NTNG1: variants seen among roughly 807,000 people sequenced by gnomAD.
The protein encoded by NTNG1 is netrin-G1.
A neutral mutation model predicts 54.0 loss-of-function variants in NTNG1; 16 were observed. The observed-to-expected ratio is 0.30, with a 90% CI of 0.20 to 0.45. The LOEUF is 0.45. Ranked by LOEUF, NTNG1 falls within the 20% of genes least tolerant of loss-of-function variation. The probability of loss-of-function intolerance (pLI) is 1.00; values close to 1 mark genes in which losing one functional copy is unlikely to be tolerated. For missense variants in NTNG1, 530 were observed against 678.7 expected (o/e 0.78, Z 2.43); for synonymous variants, 255 against 263.1 (o/e 0.97, Z 0.30).
chr1:107,409,906 A>G (rs1465848510), intron 5 of NTNG1: 2 of 152,106 alleles, frequency 1.3e-5, no homozygotes, highest in Admixed American at 6.6e-5. Flanking sequence ...TTGTGGGCTT[A>G]TAAGTTGCTT....
rs1570688790 is a variant in NTNG1, at chr1:107,141,338, C to A, written c.-526+198C>A. On this transcript the variant is annotated intron_variant, in intron 1 of 7. Transcript: ENST00000370068. ...CGGGAGCTGCCGCCCTCCGCCCGTA[C>A]GCCGCCCGCGGGCTCCGCTGCTGCG... 5 of 150,156 alleles carry A rather than the reference C, an allele frequency of 3.3e-5. 1 individual carries two copies. The highest frequency in any genetic ancestry group is 1.5e-5 in the Non-Finnish European group (1 of 67,278). 9.3% of individuals were successfully genotyped at this position (150,156 alleles called of 1,614,324 possible).
intron 5 of NTNG1, among the ~76,000 whole-genome samples, chr1:107,415,919 A>G (rs942346776): frequency 2.0e-5 from 3 of 152,174 alleles, no homozygotes; most frequent in Admixed American, 1.3e-4. Flanking sequence ...TTTGTCGAGC[A>G]TTTACTACAT....
chr1:107,348,300 A>G (rs1320387941), intron 3 of NTNG1, among the ~76,000 whole-genome samples: 3 of 151,832 alleles, frequency 2.0e-5, no homozygotes, highest in Non-Finnish European at 2.9e-5. Context: ...TGATTTTTGT[A>G]TTTTTAGAAG....
intron 6 of NTNG1, among the ~76,000 whole-genome samples, chr1:107,433,772 C>G (rs909164230): frequency 2.0e-5 from 3 of 152,108 alleles, no homozygotes. Flanking sequence ...TTTCACTTAC[C>G]CTGCTTGAGG....
At chr1:107,153,869 G>A (rs1293291453) in intron 2 of NTNG1, among the ~76,000 whole-genome samples, 1 of 152,160 alleles carries the variant, frequency 6.6e-6, no homozygotes, top group African/African-American at 2.4e-5. Context: ...ATGGCTTGTT[G>A]GAGAGGTCTT....
chr1:107,299,540 G>C (rs1666196860), intron 2 of NTNG1, among the ~76,000 whole-genome samples: 1 of 152,114 alleles, frequency 6.6e-6, no homozygotes, highest in African/African-American at 2.4e-5. Context: ...TTCTTAAATG[G>C]ACCCTGTAGG....
intron 7 of NTNG1, among the ~76,000 whole-genome samples, chr1:107,464,471 G>A (rs1409727443): frequency 6.6e-6 from 1 of 151,894 alleles, no homozygotes; most frequent in Non-Finnish European, 1.5e-5. Flanking sequence ...TATATGAAGG[G>A]GCTAGCGCAG....
chr1:107,194,828 T>C (rs1328810197), intron 2 of NTNG1, among the ~76,000 whole-genome samples: 1 of 152,024 alleles, frequency 6.6e-6, no homozygotes, highest in African/African-American at 2.4e-5. Context: ...TACTATATTT[T>C]TAATTAAAAG....
chr1:107,329,997 G>T (rs567976706), intron 3 of NTNG1, among the ~76,000 whole-genome samples: 1 of 152,082 alleles, frequency 6.6e-6, no homozygotes, highest in Non-Finnish European at 1.5e-5. Context: ...ATGTAATCTG[G>T]AAAGATTAGT....
chr1:107,384,859 A>G (rs1671866620), intron 3 of NTNG1, among the ~76,000 whole-genome samples: 1 of 152,204 alleles, frequency 6.6e-6, no homozygotes, highest in Non-Finnish European at 1.5e-5. Context: ...TTATAAGAAG[A>G]TATCTATTTC....
intron 2 of NTNG1, among the ~76,000 whole-genome samples, chr1:107,301,304 AG>A (rs1666295865): frequency 6.6e-6 from 1 of 151,902 alleles, no homozygotes; most frequent in Non-Finnish European, 1.5e-5. Flanking sequence ...AGTGGCTAAG[AG>A]TGGTACTATA....
intron 3 of NTNG1, among the ~76,000 whole-genome samples, chr1:107,335,618 ATAG>A (rs1253684336): frequency 5.3e-5 from 8 of 152,074 alleles, no homozygotes; most frequent in South Asian, 2.1e-4. Context: ...TAGTTGGCTA[ATAG>A]TGGTGGAATT....
chr1:107,147,975 A>C (rs985205094), intron 1 of NTNG1, 94 bp from the exon 2 acceptor site: 1 of 152,472 alleles, frequency 6.6e-6, no homozygotes, highest in Non-Finnish European at 1.5e-5. Flanking sequence ...AATTTGCTTT[A>C]TATTGCATCA....
intron 2 of NTNG1, among the ~76,000 whole-genome samples, chr1:107,265,790 T>C (rs1290666114): frequency 6.6e-6 from 1 of 152,176 alleles, no homozygotes; most frequent in Non-Finnish European, 1.5e-5. Context: ...AAGAAATATA[T>C]AGGAAAATAA....
intron 7 of NTNG1, among the ~76,000 whole-genome samples, chr1:107,476,712 G>A (rs1037221858): frequency 2.0e-5 from 3 of 152,018 alleles, no homozygotes; most frequent in Non-Finnish European, 1.5e-5. Flanking sequence ...CCAGTCTGCC[G>A]TTTTTCTGGT....
Position 107,335,627 on chromosome 1 carries a change from G to A in NTNG1, c.887+10705G>A, listed in dbSNP as rs1481778684. Among the ~76,000 whole-genome samples the A allele has an allele frequency of 2.0e-5, 3 of 151,802 alleles. No individual in the cohort carries two copies. In the East Asian group the frequency reaches 5.8e-4, roughly 29 times the overall value. ...CAAATATAGTTGGCTAATAGTGGTGGAATTGTGAGTAATTTTTATCTAATT... is the reference window on the plus strand; with the variant it reads ...CAAATATAGTTGGCTAATAGTGGTGAAATTGTGAGTAATTTTTATCTAATT... On this transcript the variant is annotated intron_variant, in intron 3 of 7. Transcript: ENST00000370068.
chr1:107,226,657 A>C (rs901830749), intron 2 of NTNG1, among the ~76,000 whole-genome samples: 6 of 152,096 alleles, frequency 3.9e-5, no homozygotes, highest in African/African-American at 1.4e-4. Flanking sequence ...CCATTAACAA[A>C]CAATATCTCT....
At chr1:107,417,374 T>C (rs929792528) in intron 5 of NTNG1, among the ~76,000 whole-genome samples, 2 of 152,094 alleles carry the variant, frequency 1.3e-5, no homozygotes, top group African/African-American at 2.4e-5. Flanking sequence ...ATAGTGCAAG[T>C]CTCTTGTCTT....
chr1:107,249,698 G>A (rs954116080), intron 2 of NTNG1, among the ~76,000 whole-genome samples: 8 of 152,032 alleles, frequency 5.3e-5, no homozygotes, highest in African/African-American at 1.7e-4. Context: ...AGCATGTTAA[G>A]GACTTCACAA....
Sources: gnomAD v4.1 joint callset for allele counts (sites outside exome capture counted in the v4.1 genomes callset) on GRCh38, gnomAD v4.1.1 for gene constraint, MANE v1.5 for transcripts, NCBI Gene and HGNC (gene_info 2026-07-23, HGNC 2026-07-21) for gene names.